Variants in SLC24A2 observed in about 807,000 individuals in gnomAD.
SLC24A2 encodes the protein solute carrier family 24 member 2, also known as sodium/potassium/calcium exchanger 2.
A neutral mutation model predicts 62.0 loss-of-function variants in SLC24A2; 36 were observed. That is an observed-to-expected ratio of 0.58 (90% CI 0.44 to 0.77). SLC24A2 has a LOEUF of 0.77. SLC24A2 is among the 30% of genes least tolerant of loss of function. The pLI is 0.00. For synonymous variants in SLC24A2, 358 were observed against 294.0 expected (o/e 1.22, Z -2.23); for missense variants, 846 against 817.9 (o/e 1.03, Z -0.42).
chr9:19,894,275 A>G, the SLC24A2 span, among the ~76,000 whole-genome samples: 1 of 152,198 alleles, frequency 6.6e-6, no homozygotes, highest in Non-Finnish European at 1.5e-5. Context: ...TGCCAAAGAT[A>G]GTTTTTCTGT....
the SLC24A2 span, among the ~76,000 whole-genome samples, chr9:20,069,267 A>C: frequency 5.3e-4 from 80 of 152,348 alleles, 1 homozygote; most frequent in Admixed American, 3.2e-3. Context: ...TTAGCTTTTA[A>C]GACATTTTTA....
the SLC24A2 span, among the ~76,000 whole-genome samples, chr9:19,959,166 G>A: frequency 6.6e-6 from 1 of 152,218 alleles, no homozygotes; most frequent in African/African-American, 2.4e-5. Context: ...GAACATAGGA[G>A]AAGAATCAGT....
At chr9:20,038,904 A>G in the SLC24A2 span, among the ~76,000 whole-genome samples, 2 of 152,206 alleles carry the variant, frequency 1.3e-5, no homozygotes, top group Non-Finnish European at 2.9e-5. Context: ...AACTGAATTT[A>G]TTTTTTAAGT....
chr9:19,788,767 T>A (rs1823255487), intron 1 of SLC24A2, 118 bp downstream of exon 1: 1 of 985,170 alleles, frequency 1.0e-6, no homozygotes, highest in African/African-American at 1.7e-5. Context: ...GGCGCCCACA[T>A]CCACGGCAGA....
intron 2 of SLC24A2, among the ~76,000 whole-genome samples, chr9:19,674,854 G>T (rs554359577): frequency 1.2e-4 from 19 of 152,206 alleles, no homozygotes; most frequent in Non-Finnish European, 2.8e-4. Context: ...TTCTTTTTCT[G>T]GCAATTTAGG....
intron 4 of SLC24A2, among the ~76,000 whole-genome samples, chr9:19,611,765 C>G (rs990849675): frequency 1.2e-4 from 19 of 152,074 alleles, no homozygotes; most frequent in African/African-American, 4.3e-4. Context: ...ATTGAGAACT[C>G]AAGAAGACTG....
the SLC24A2 span, among the ~76,000 whole-genome samples, chr9:19,910,218 A>C: frequency 3.3e-5 from 5 of 152,046 alleles, no homozygotes; most frequent in African/African-American, 4.8e-5. Flanking sequence ...CCATCCTATC[A>C]TCGAAGCCAA....
chr9:19,918,508 C>T, the SLC24A2 span, among the ~76,000 whole-genome samples: 2 of 152,106 alleles, frequency 1.3e-5, 1 homozygote, highest in Non-Finnish European at 2.9e-5. Flanking sequence ...ACATCCTCCA[C>T]TCTCCTTTCC....
At chr9:19,654,453 G>A (rs1228782346) in intron 2 of SLC24A2, among the ~76,000 whole-genome samples, 1 of 152,096 alleles carries the variant, frequency 6.6e-6, no homozygotes, top group Admixed American at 6.6e-5. Flanking sequence ...TCCTCAACTG[G>A]TTAGTGGCAC....
chr9:19,615,748 C>G (rs890581373), intron 4 of SLC24A2, among the ~76,000 whole-genome samples: 1 of 152,140 alleles, frequency 6.6e-6, no homozygotes, highest in Admixed American at 6.5e-5. Flanking sequence ...CTTGCTACAG[C>G]AGGAATACAG....
At chr9:19,907,600 A>C in the SLC24A2 span, among the ~76,000 whole-genome samples, 2 of 152,168 alleles carry the variant, frequency 1.3e-5, no homozygotes, top group Non-Finnish European at 2.9e-5. Context: ...CCCAAAATCT[A>C]CTTAAGCTGA....
the SLC24A2 span, among the ~76,000 whole-genome samples, chr9:19,872,664 C>T: frequency 3.3e-5 from 5 of 152,086 alleles, no homozygotes; most frequent in African/African-American, 1.2e-4. Context: ...GACATTTGGG[C>T]GGTAGGGCCT....
chr9:20,243,587 C>T, the SLC24A2 span, among the ~76,000 whole-genome samples: 1 of 152,168 alleles, frequency 6.6e-6, no homozygotes, highest in Non-Finnish European at 1.5e-5. Context: ...CACATACAGA[C>T]ACACACACTT....
At chr9:19,722,836 G>A (rs771362636) in intron 2 of SLC24A2, among the ~76,000 whole-genome samples, 1 of 152,102 alleles carries the variant, frequency 6.6e-6, no homozygotes, top group Non-Finnish European at 1.5e-5. Context: ...ACAGGCAGAA[G>A]GAGAAATGTC....
chr9:20,077,253 T>A, the SLC24A2 span, among the ~76,000 whole-genome samples: 1 of 151,952 alleles, frequency 6.6e-6, no homozygotes, highest in East Asian at 1.9e-4. Context: ...ATAAATTGTA[T>A]TGTGTTAGGG....
At chr9:19,707,380 G>C (rs1019924984) in intron 2 of SLC24A2, among the ~76,000 whole-genome samples, 7 of 152,198 alleles carry the variant, frequency 4.6e-5, no homozygotes, top group African/African-American at 1.7e-4. Flanking sequence ...AATAGAAAAA[G>C]AGGGAATCCT....
the SLC24A2 span, among the ~76,000 whole-genome samples, chr9:19,820,742 A>G: frequency 6.6e-6 from 1 of 151,746 alleles, no homozygotes; most frequent in African/African-American, 2.4e-5. Flanking sequence ...GGGTGTGTAC[A>G]GGGGATTACA....
rs193297418 is a variant in SLC24A2 at position 19,745,296 on chromosome 9, C to G, written c.930+40641G>C. Among the ~76,000 whole-genome samples, 46 of 152,290 alleles carry G rather than the reference C, an allele frequency of 3.0e-4. 1 individual carries two copies. In the East Asian group the frequency reaches 8.3e-3, roughly 27 times the overall value. ...ACCATGAGCCAATTAAACCTCTTTT[C>G]TTTGTAAATTACCCAGCCTCGGGTA... On this transcript the variant is annotated intron_variant, in intron 2 of 10. Transcript: ENST00000341998.
rs149351449 is a variant in SLC24A2 at position 19,645,856 on chromosome 9, A to C, written c.931-23557T>G. Among the ~76,000 whole-genome samples the C allele has an allele frequency of 4.0e-4, 61 of 152,308 alleles. No individual in the cohort carries two copies. In the East Asian group the frequency reaches 0.011, roughly 28 times the overall value. ...ATTCTTGTCCAGTCCTCTATTTTTAAAGAAGAAGAAAAGGATCCCTAGAGA... is the reference window on the plus strand; with the variant it reads ...ATTCTTGTCCAGTCCTCTATTTTTACAGAAGAAGAAAAGGATCCCTAGAGA... On this transcript the variant is annotated intron_variant, in intron 2 of 10. Coordinates refer to ENST00000341998, the MANE Select transcript of SLC24A2 (RefSeq NM_020344.4).
Sources: gnomAD v4.1 joint callset for allele counts (sites outside exome capture counted in the v4.1 genomes callset) on GRCh38, gnomAD v4.1.1 for gene constraint, MANE v1.5 for transcripts, NCBI Gene and HGNC (gene_info 2026-07-23, HGNC 2026-07-21) for gene names.